RASAL2: variants seen among roughly 807,000 people sequenced by gnomAD.
RASAL2 encodes the protein RAS protein activator like 2.
RASAL2 carries 58 observed loss-of-function variants against 128.9 expected under a neutral mutation model. The ratio of observed to expected loss-of-function variants is 0.45; its 90% CI spans 0.36 to 0.56. The LOEUF (loss-of-function observed/expected upper bound fraction) is 0.56, where lower values mean the gene tolerates loss of function less well. Among genes scored for constraint, RASAL2 ranks in the 20% least tolerant of loss-of-function variants. The pLI is 0.00. For synonymous variants in RASAL2, 561 were observed against 580.8 expected (o/e 0.97, Z 0.49); for missense variants, 1,360 against 1,601.6 (o/e 0.85, Z 2.57).
intron 3 of RASAL2, among the ~76,000 whole-genome samples, chr1:178,342,433 A>G (rs954271089): frequency 1.3e-5 from 2 of 152,226 alleles, no homozygotes; most frequent in Non-Finnish European, 2.9e-5. Context: ...ACAATGAATT[A>G]TTGCCTAAAT....
intron 1 of RASAL2, among the ~76,000 whole-genome samples, chr1:178,113,281 C>CT (rs1020492497): frequency 1.6e-4 from 23 of 146,290 alleles, no homozygotes; most frequent in South Asian, 2.2e-4. Context: ...ACAACCCTGA[C>CT]TTTTTTTTTT....
At chr1:178,197,495 G>A (rs953249562) in intron 1 of RASAL2, among the ~76,000 whole-genome samples, 47 of 151,436 alleles carry the variant, frequency 3.1e-4, no homozygotes, top group African/African-American at 1.1e-3. Flanking sequence ...TGTAGCCCCA[G>A]CTACTCGGGA....
intron 3 of RASAL2, among the ~76,000 whole-genome samples, chr1:178,324,088 T>C (rs1185285775): frequency 3.3e-5 from 5 of 152,194 alleles, no homozygotes; most frequent in African/African-American, 1.2e-4. Context: ...GAACCTCAGC[T>C]TCCTTGTTGG....
chr1:178,177,572 A>G (rs1661937149), intron 1 of RASAL2, among the ~76,000 whole-genome samples: 1 of 152,258 alleles, frequency 6.6e-6, no homozygotes, highest in African/African-American at 2.4e-5. Flanking sequence ...ACTGGGAAAT[A>G]CAGGAAGACT....
Position 178,464,787 on chromosome 1 carries a change from G to C in RASAL2, c.3387+375G>C, listed in dbSNP as rs548827170. On this transcript the variant is annotated intron_variant, in intron 15 of 17. Transcript: ENST00000367649. ...CAAGGACAAAATTACCCTAGGGCAA[G>C]ACTTTTTGTTTATCTTGGTAACAAT... 2.1e-4 allele frequency among the ~76,000 whole-genome samples: 27 copies of C among 131,620 alleles called. No individual in the cohort carries two copies. The South Asian group carries it at 6.2e-3, about 30-fold the overall frequency. 86.3% of individuals were successfully genotyped at this position (131,620 alleles called of 152,430 possible). A position where few individuals can be genotyped will look rare whatever the true frequency, so the allele number is the denominator to read the frequency against.
chr1:178,306,791 G>A (rs1407839174), intron 3 of RASAL2, among the ~76,000 whole-genome samples: 5 of 145,366 alleles, frequency 3.4e-5, no homozygotes, highest in Non-Finnish European at 7.4e-5. Flanking sequence ...GTAGATTCTG[G>A]ATATTAGCCC....
chr1:178,234,618 C>T (rs888339862), intron 1 of RASAL2, among the ~76,000 whole-genome samples: 2 of 152,004 alleles, frequency 1.3e-5, no homozygotes, highest in African/African-American at 4.8e-5. Context: ...AATGGTTGAC[C>T]TTATCTGGTG....
At chr1:178,266,803 C>T (rs1665974288) in intron 1 of RASAL2, among the ~76,000 whole-genome samples, 1 of 152,168 alleles carries the variant, frequency 6.6e-6, no homozygotes, top group Non-Finnish European at 1.5e-5. Context: ...TGGGAAAAAA[C>T]TGGCCCTCCC....
intron 1 of RASAL2, among the ~76,000 whole-genome samples, chr1:178,110,637 C>T (rs199766258): frequency 1.7e-3 from 27 of 15,626 alleles, no homozygotes; most frequent in Non-Finnish European, 3.8e-3. Flanking sequence ...ATAGTGTATA[C>T]ATATATATAT....
At chr1:178,447,707 T>C (rs1677105865) in intron 9 of RASAL2, among the ~76,000 whole-genome samples, 1 of 132,026 alleles carries the variant, frequency 7.6e-6, no homozygotes, top group Admixed American at 7.5e-5. Context: ...AAAAAGCCAT[T>C]GTAATAAGAA....
intron 3 of RASAL2, among the ~76,000 whole-genome samples, chr1:178,342,321 A>T (rs1020641593): frequency 6.6e-6 from 1 of 152,242 alleles, no homozygotes; most frequent in Non-Finnish European, 1.5e-5. Context: ...CAGAATTGAA[A>T]TGAAAACCCA....
intron 1 of RASAL2, among the ~76,000 whole-genome samples, chr1:178,107,677 T>C (rs1390193684): frequency 2.6e-5 from 4 of 152,158 alleles, no homozygotes; most frequent in Non-Finnish European, 4.4e-5. Context: ...TCTCCCTGAA[T>C]TTGCCTATTC....
At chr1:178,232,992 C>T (rs957788816) in intron 1 of RASAL2, among the ~76,000 whole-genome samples, 1 of 152,330 alleles carries the variant, frequency 6.6e-6, no homozygotes. Flanking sequence ...ATGTAACCTA[C>T]TGCAGGAAGT....
chr1:178,462,275 CAT>C (rs1012177309), intron 14 of RASAL2, among the ~76,000 whole-genome samples: 1 of 151,972 alleles, frequency 6.6e-6, no homozygotes, highest in Admixed American at 6.6e-5. Flanking sequence ...AGGGGAAAAA[CAT>C]AGAATATTCT....
At chr1:178,326,713 T>C (rs1304829699) in intron 3 of RASAL2, among the ~76,000 whole-genome samples, 1 of 152,054 alleles carries the variant, frequency 6.6e-6, no homozygotes, top group African/African-American at 2.4e-5. Context: ...CCCGGCTAAT[T>C]TTGTATTTTT....
At chr1:178,298,048 G>C in intron 2 of RASAL2, among the ~76,000 whole-genome samples, 1 of 151,960 alleles carries the variant, frequency 6.6e-6, no homozygotes. Context: ...TGTTTATTTA[G>C]ATTGAACTAT....
At chr1:178,414,759 A>AT (rs556926260) in intron 4 of RASAL2, among the ~76,000 whole-genome samples, 152 of 152,274 alleles carry the variant, frequency 1.0e-3, no homozygotes, top group African/African-American at 3.4e-3. Flanking sequence ...TTGTAAGGTT[A>AT]TTAATTATTG....
chr1:178,153,105 C>T (rs1660968164), intron 1 of RASAL2, among the ~76,000 whole-genome samples: 1 of 152,060 alleles, frequency 6.6e-6, no homozygotes, highest in South Asian at 2.1e-4. Context: ...TTCTCTCTCC[C>T]AACCCCCTTT....
In RASAL2 at chr1:178,466,025, C is replaced by A; in HGVS notation, c.3493C>A (p.Leu1165Met). 6.4e-7 allele frequency: 1 copy of A among 1,574,572 alleles called. No individual in the cohort carries two copies. The highest frequency in any genetic ancestry group is 8.6e-7 in the Non-Finnish European group (1 of 1,158,540). The part of the protein sequence containing the change: ...LLVQEQQMQK[L>M]LLEYKARLED... ...GGTGCAGGAGCAGCAGATGCAGAAG[C>A]TGCTGCTGGAATACAAGGCCCGACT... Residue 1165 changes from leucine (L) to methionine (M), a missense_variant, in exon 16 of 18, where the codon CTG becomes ATG. Coordinates refer to ENST00000367649, the MANE Select transcript of RASAL2 (RefSeq NM_170692.4).
Sources: allele counts gnomAD v4.1 joint callset (sites outside exome capture counted in the v4.1 genomes callset), GRCh38; gene constraint gnomAD v4.1.1; transcripts MANE v1.5; gene names NCBI Gene and HGNC (gene_info 2026-07-23, HGNC 2026-07-21).